The following PDZRN4 variants were observed in gnomAD, a reference collection of about 807,000 sequenced individuals.
The protein encoded by PDZRN4 is PDZ domain-containing RING finger protein 4.
In PDZRN4, 70 loss-of-function variants were observed where a neutral mutation model predicts 99.0. That is an observed-to-expected ratio of 0.71 (90% CI 0.58 to 0.86). PDZRN4 has a LOEUF of 0.86. PDZRN4 is among the 40% of genes least tolerant of loss of function. PDZRN4 has a pLI of 0.00. For missense variants in PDZRN4, 1,474 were observed against 1,331.2 expected (o/e 1.11, Z -1.67); for synonymous variants, 551 against 501.6 (o/e 1.10, Z -1.32).
chr12:41,341,823 A>G (rs1264922431), intron 3 of PDZRN4, among the ~76,000 whole-genome samples: 1 of 151,944 alleles, frequency 6.6e-6, no homozygotes, highest in Non-Finnish European at 1.5e-5. Flanking sequence ...TACCAATGAC[A>G]TTTTTCACAG....
At chr12:41,376,158 T>C (rs1952077943) in intron 3 of PDZRN4, among the ~76,000 whole-genome samples, 1 of 152,196 alleles carries the variant, frequency 6.6e-6, no homozygotes, top group East Asian at 1.9e-4. Flanking sequence ...TAGTTTGTCT[T>C]GGCTATTGTG....
At chr12:41,345,379 A>C (rs1461731804) in intron 3 of PDZRN4, among the ~76,000 whole-genome samples, 2 of 151,948 alleles carry the variant, frequency 1.3e-5, no homozygotes, top group Non-Finnish European at 2.9e-5. Flanking sequence ...TTCTTTACTG[A>C]CTCAGCTACT....
chr12:41,345,092 T>C (rs1951843874), intron 3 of PDZRN4, among the ~76,000 whole-genome samples: 1 of 152,124 alleles, frequency 6.6e-6, no homozygotes, highest in African/African-American at 2.4e-5. Flanking sequence ...TTTACCAACT[T>C]TAATCTGTTT....
Position 41,241,495 on chromosome 12 carries a change from G to T in PDZRN4, c.843+47307G>T, listed in dbSNP as rs547711175. Among the ~76,000 whole-genome samples, 3 of 146,664 alleles carry T rather than the reference G, an allele frequency of 2.0e-5. No homozygotes were observed. In the East Asian group the frequency reaches 5.8e-4, roughly 28 times the overall value. The stretch of plus-strand genomic sequence containing the variant: ...CCAGATTGGCTTGGCCTGACCCTTT[G>T]TTCTACCACATACTGGCCCAGTAGT... On this transcript the variant is annotated intron_variant, in intron 3 of 9. Coordinates refer to ENST00000402685, the MANE Select transcript of PDZRN4 (RefSeq NM_001164595.2).
intron 3 of PDZRN4, among the ~76,000 whole-genome samples, chr12:41,223,122 C>T (rs567291831): frequency 2.8e-4 from 42 of 152,238 alleles, no homozygotes; most frequent in Admixed American, 2.6e-3. Flanking sequence ...GCTTACACAA[C>T]AGGTAGGTAT....
At chr12:41,260,153 T>C (rs1270244628) in intron 3 of PDZRN4, among the ~76,000 whole-genome samples, 4 of 152,194 alleles carry the variant, frequency 2.6e-5, no homozygotes, top group Non-Finnish European at 5.9e-5. Flanking sequence ...AGATTGTTCT[T>C]TCTTTTGGCC....
At chr12:41,266,991 G>A (rs1951281653) in intron 3 of PDZRN4, among the ~76,000 whole-genome samples, 1 of 151,986 alleles carries the variant, frequency 6.6e-6, no homozygotes, top group African/African-American at 2.4e-5. Flanking sequence ...ACAGTTAGAC[G>A]ACCAGCCCAC....
At chr12:41,541,395 AC>A (rs1382956547) in intron 5 of PDZRN4, among the ~76,000 whole-genome samples, 7 of 151,346 alleles carry the variant, frequency 4.6e-5, no homozygotes, top group African/African-American at 1.5e-4. Context: ...GGCAATGATA[AC>A]CCTTACCACC....
intron 3 of PDZRN4, among the ~76,000 whole-genome samples, chr12:41,370,065 A>G (rs915485699): frequency 2.0e-5 from 3 of 151,932 alleles, no homozygotes; most frequent in Non-Finnish European, 2.9e-5. Flanking sequence ...ATTACACATT[A>G]TTTCTATCTA....
chr12:41,515,793 G>C (rs1037263149), intron 5 of PDZRN4, among the ~76,000 whole-genome samples: 1 of 151,954 alleles, frequency 6.6e-6, no homozygotes, highest in East Asian at 1.9e-4. Flanking sequence ...GTCTTTGCAG[G>C]CTGTCCTATT....
At chr12:41,201,343 T>A (rs2120664905) in intron 3 of PDZRN4, among the ~76,000 whole-genome samples, 1 of 152,132 alleles carries the variant, frequency 6.6e-6, no homozygotes, top group South Asian at 2.1e-4. Context: ...CCCTTTGCAA[T>A]CCACTAAGCA....
chr12:41,399,626 C>T (rs1289667866), intron 3 of PDZRN4, among the ~76,000 whole-genome samples: 1 of 151,778 alleles, frequency 6.6e-6, no homozygotes, highest in African/African-American at 2.4e-5. Flanking sequence ...ATGCCAGCTA[C>T]CTGGGAGGCT....
chr12:41,385,415 G>A (rs1952162302), intron 3 of PDZRN4, among the ~76,000 whole-genome samples: 1 of 151,954 alleles, frequency 6.6e-6, no homozygotes, highest in African/African-American at 2.4e-5. Flanking sequence ...AATGAACAAG[G>A]AAAACACAGC....
At chr12:41,358,092 C>T (rs1480708156) in intron 3 of PDZRN4, among the ~76,000 whole-genome samples, 1 of 151,924 alleles carries the variant, frequency 6.6e-6, no homozygotes, top group African/African-American at 2.4e-5. Flanking sequence ...GAAAAAATTC[C>T]ATTTTGAACG....
At chr12:41,256,664 G>A (rs1321485695) in intron 3 of PDZRN4, among the ~76,000 whole-genome samples, 3 of 152,134 alleles carry the variant, frequency 2.0e-5, no homozygotes, top group African/African-American at 7.2e-5. Context: ...ACTGAACTAA[G>A]ACACACATTC....
intron 4 of PDZRN4, among the ~76,000 whole-genome samples, chr12:41,508,125 A>G (rs189855400): frequency 6.6e-6 from 1 of 152,260 alleles, no homozygotes; most frequent in East Asian, 1.9e-4. Context: ...AGTACATTAT[A>G]TTATCAACAT....
rs951984682 is a variant in PDZRN4, at chr12:41,387,546, C to T, written c.844-118910C>T. On this transcript the variant is annotated intron_variant, in intron 3 of 9. Transcript: ENST00000402685. ...GGTGAAGATTGCAGGAAGCCGAGAT[C>T]GCACCACTGCACTCCAGCCTGGGTG... 3.9e-5 allele frequency among the ~76,000 whole-genome samples: 6 copies of T among 152,096 alleles called. No individual in the cohort carries two copies. In the South Asian group the frequency reaches 6.2e-4, roughly 16 times the overall value.
intron 3 of PDZRN4, among the ~76,000 whole-genome samples, chr12:41,386,341 T>C (rs1188832289): frequency 6.6e-6 from 1 of 151,940 alleles, no homozygotes; most frequent in African/African-American, 2.4e-5. Flanking sequence ...AAGAAATAAA[T>C]TGCATTCAAA....
chr12:41,506,114 G>A (rs78208940), intron 3 of PDZRN4, among the ~76,000 whole-genome samples: 3 of 151,778 alleles, frequency 2.0e-5, no homozygotes, highest in African/African-American at 7.3e-5. Flanking sequence ...TCATGAAAAA[G>A]TAGGATATAC....
Sources: allele counts gnomAD v4.1 joint callset (sites outside exome capture counted in the v4.1 genomes callset), GRCh38; gene constraint gnomAD v4.1.1; transcripts MANE v1.5; gene names NCBI Gene and HGNC (gene_info 2026-07-23, HGNC 2026-07-21).